RPTOR: variants seen among roughly 807,000 people sequenced by gnomAD.
RPTOR encodes the protein regulatory associated protein of MTOR complex 1, also known as regulatory-associated protein of mTOR.
A neutral mutation model predicts 169.9 loss-of-function variants in RPTOR; 21 were observed. The observed-to-expected ratio is 0.12, with a 90% CI of 0.09 to 0.18. RPTOR has a LOEUF of 0.18. Ranked by LOEUF, RPTOR falls within the 10% of genes least tolerant of loss-of-function variation. The pLI is 1.00. For synonymous variants in RPTOR, 732 were observed against 753.2 expected (o/e 0.97, Z 0.46); for missense variants, 1,133 against 1,855.9 (o/e 0.61, Z 7.16).
At chr17:80,826,726 T>TG (rs907530710) in intron 9 of RPTOR, among the ~76,000 whole-genome samples, 2 of 152,166 alleles carry the variant, frequency 1.3e-5, no homozygotes, top group African/African-American at 4.8e-5. Context: ...CCAGGAGTGG[T>TG]GAAGGGCAGG....
chr17:80,665,330 TCC>T (rs1451539693), intron 3 of RPTOR, among the ~76,000 whole-genome samples: 1,591 of 113,602 alleles, frequency 0.014, 379 homozygotes, highest in African/African-American at 0.056. Context: ...TCTTTTCTTT[TCC>T]CTTTCCTTTC....
intron 7 of RPTOR, among the ~76,000 whole-genome samples, chr17:80,796,644 C>T (rs2067104406): frequency 6.6e-6 from 1 of 152,190 alleles, no homozygotes. Context: ...AGACACAGAG[C>T]CAAACCATAT....
intron 24 of RPTOR, among the ~76,000 whole-genome samples, chr17:80,932,810 C>T (rs1431559608): frequency 6.6e-6 from 1 of 152,190 alleles, no homozygotes; most frequent in African/African-American, 2.4e-5. Flanking sequence ...CAGACACACA[C>T]ATGCACGTGC....
chr17:80,565,101 A>T (rs1159374175), intron 1 of RPTOR, among the ~76,000 whole-genome samples: 1 of 152,174 alleles, frequency 6.6e-6, no homozygotes, highest in Non-Finnish European at 1.5e-5. Context: ...GCGTGTCTTT[A>T]TGGTAGAAGG....
At chr17:80,884,967 C>T (rs763520766) in intron 16 of RPTOR, 41 bp from the exon 17 acceptor site, 19 of 1,587,388 alleles carry the variant, frequency 1.2e-5, no homozygotes, top group Non-Finnish European at 1.5e-5. Flanking sequence ...TGCAGCATGG[C>T]CCGGTGTGGG....
chr17:80,658,499 C>A (rs1241065173), intron 3 of RPTOR, among the ~76,000 whole-genome samples: 1 of 152,140 alleles, frequency 6.6e-6, no homozygotes, highest in Non-Finnish European at 1.5e-5. Context: ...CCCCGCACCC[C>A]CCTGTCCAGC....
At chr17:80,729,806 C>T (rs964577439) in intron 4 of RPTOR, among the ~76,000 whole-genome samples, 1 of 152,162 alleles carries the variant, frequency 6.6e-6, no homozygotes, top group African/African-American at 2.4e-5. Flanking sequence ...CAAATGGAGA[C>T]ACGGAGTGAA....
At chr17:80,710,214 T>G (rs1233466779) in intron 4 of RPTOR, among the ~76,000 whole-genome samples, 1 of 152,052 alleles carries the variant, frequency 6.6e-6, no homozygotes, top group Non-Finnish European at 1.5e-5. Flanking sequence ...AGGCTGGTCT[T>G]GAACTCCTGA....
chr17:80,645,051 G>A (rs527866295), intron 3 of RPTOR, among the ~76,000 whole-genome samples: 3 of 152,304 alleles, frequency 2.0e-5, no homozygotes, highest in African/African-American at 7.2e-5. Flanking sequence ...TTTCTTGAGG[G>A]CGCAGTGCGT....
chr17:80,899,547 C>T (rs1184803480), intron 20 of RPTOR, among the ~76,000 whole-genome samples: 1 of 152,226 alleles, frequency 6.6e-6, no homozygotes, highest in Non-Finnish European at 1.5e-5. Flanking sequence ...CCCCAGTTCA[C>T]GCTCATCAAG....
chr17:80,874,053 T>C (rs1486876671), intron 13 of RPTOR, among the ~76,000 whole-genome samples: 1 of 152,216 alleles, frequency 6.6e-6, no homozygotes, highest in Non-Finnish European at 1.5e-5. Context: ...AGCATTTTAA[T>C]GTTTGAGCCT....
At chr17:80,693,223 A>T (rs1279068907) in intron 3 of RPTOR, among the ~76,000 whole-genome samples, 1 of 152,176 alleles carries the variant, frequency 6.6e-6, no homozygotes, top group African/African-American at 2.4e-5. Context: ...CAGTCACAGG[A>T]TGTGTAGCAG....
intron 7 of RPTOR, 140 bp from the exon 8 acceptor site, chr17:80,822,061 G>A (rs763734330): frequency 4.5e-5 from 33 of 731,410 alleles, no homozygotes; most frequent in Middle Eastern, 2.4e-4. Flanking sequence ...TCTCCCTGCC[G>A]TGCGCCAAGC....
chr17:80,720,779 C>G (rs1438533023), intron 4 of RPTOR, among the ~76,000 whole-genome samples: 1 of 151,676 alleles, frequency 6.6e-6, no homozygotes, highest in African/African-American at 2.4e-5. Flanking sequence ...CCCTGAGCCT[C>G]TGCTTCTGTG....
chr17:80,907,080 G>A (rs1159768156), intron 20 of RPTOR, among the ~76,000 whole-genome samples: 3 of 152,170 alleles, frequency 2.0e-5, no homozygotes, highest in Non-Finnish European at 2.9e-5. Flanking sequence ...CTCCATCTCC[G>A]TGGACTTGAC....
chr17:80,664,844 C>T (rs1428480302), intron 3 of RPTOR, among the ~76,000 whole-genome samples: 1 of 152,114 alleles, frequency 6.6e-6, no homozygotes, highest in African/African-American at 2.4e-5. Flanking sequence ...TTTTTTCTTA[C>T]AAAGTGAAAT....
At chr17:80,696,458 G>A (rs920230363) in intron 3 of RPTOR, among the ~76,000 whole-genome samples, 5 of 152,170 alleles carry the variant, frequency 3.3e-5, no homozygotes, top group African/African-American at 9.7e-5. Context: ...TTAGTTCAAA[G>A]CGAGCAGCAT....
In RPTOR at chr17:80,945,719, C is replaced by G. The variant is rs758390013; in HGVS notation, c.3078C>G (p.Pro1026=). The change falls in exon 26 of 34, where the codon CCC becomes CCG. Residue 1026 remains proline, a synonymous_variant. Coordinates refer to ENST00000306801, the MANE Select transcript of RPTOR (RefSeq NM_020761.3). ...TTCTGAACAGGAACCCCGGCGTCCCCTCTGTGGTGAAATTCCACCCCTTCA... is the reference window on the plus strand; with the variant it reads ...TTCTGAACAGGAACCCCGGCGTCCCGTCTGTGGTGAAATTCCACCCCTTCA... ...QIFLNRNPGV[P]SVVKFHPFTP... 1.9e-6 allele frequency: 3 copies of G among 1,612,126 alleles called. No homozygotes were observed. Among genetic ancestry groups the G allele is most frequent in the African/African-American group, 1.3e-5 (1 of 74,552 alleles).
At chr17:80,865,378 A>G (rs1567956711) in intron 13 of RPTOR, among the ~76,000 whole-genome samples, 1 of 152,218 alleles carries the variant, frequency 6.6e-6, no homozygotes, top group Admixed American at 6.5e-5. Flanking sequence ...AAGAGCAAGA[A>G]AAAACCATAC....
Sources: gnomAD v4.1 joint callset for allele counts (sites outside exome capture counted in the v4.1 genomes callset) on GRCh38, gnomAD v4.1.1 for gene constraint, MANE v1.5 for transcripts, NCBI Gene and HGNC (gene_info 2026-07-23, HGNC 2026-07-21) for gene names.